The following ATP6V0A1 variants were observed in gnomAD, a reference collection of about 807,000 sequenced individuals.
The protein encoded by ATP6V0A1 is V-type proton ATPase 116 kDa subunit a 1.
ATP6V0A1 carries 43 observed loss-of-function variants against 105.4 expected under a neutral mutation model. The observed-to-expected ratio is 0.41, with a 90% CI of 0.32 to 0.53. The LOEUF (loss-of-function observed/expected upper bound fraction) is 0.53, where lower values mean the gene tolerates loss of function less well. Ranked by LOEUF, ATP6V0A1 falls within the 20% of genes least tolerant of loss-of-function variation. The probability of loss-of-function intolerance (pLI) is 0.30; values close to 1 mark genes in which losing one functional copy is unlikely to be tolerated. For missense variants in ATP6V0A1, 676 were observed against 1,051.1 expected (o/e 0.64, Z 4.93); for synonymous variants, 362 against 372.8 (o/e 0.97, Z 0.33).
At chr17:42,494,307 AT>A (rs751148740) in intron 11 of ATP6V0A1, 26 bp from the exon 12 acceptor site, 1 of 1,587,164 alleles carries the variant, frequency 6.3e-7, no homozygotes, top group South Asian at 1.1e-5. Context: ...TGTACTTTGT[AT>A]TTTTCTTTTT....
At position 42,460,860 on chromosome 17, in the gene ATP6V0A1, T is replaced by G. The variant is rs1479619105; in HGVS notation, c.-35T>G. 3.9e-6 allele frequency: 6 copies of G among 1,523,746 alleles called. No individual in the cohort carries two copies. The African/African-American group carries it at 6.9e-5, about 17-fold the overall frequency. The allele number at this position is 1,523,746 out of a possible 1,614,324, so 94.4% of individuals were successfully genotyped here. On this transcript the variant is annotated 5_prime_UTR_variant, in exon 2 of 22. Coordinates refer to ENST00000343619, the MANE Select transcript of ATP6V0A1 (RefSeq NM_001130021.3). Reference sequence around the variant, plus strand: ...CTCTTTGCTTCAGGTTGGAGAGAAATCCAGGTACTCACTAGACTGGTACCT... The same window carrying G: ...CTCTTTGCTTCAGGTTGGAGAGAAAGCCAGGTACTCACTAGACTGGTACCT...
intron 13 of ATP6V0A1, 45 bp from the exon 14 acceptor site, chr17:42,495,581 C>G: frequency 6.1e-6 from 9 of 1,472,080 alleles, no homozygotes; most frequent in Non-Finnish European, 8.5e-6. Context: ...TTGTTGTTTC[C>G]CTCTCTTGTT....
Position 42,494,342 on chromosome 17 carries a change from A to G in ATP6V0A1, c.1183A>G (p.Thr395Ala). 1 of 1,612,728 alleles carries G rather than the reference A, an allele frequency of 6.2e-7. No homozygotes were observed. Among genetic ancestry groups the G allele is most frequent in the Non-Finnish European group, 8.5e-7 (1 of 1,179,154 alleles). ...TTTTGGTTTCTTCATAGCTCCGTAT[A>G]CTATTATCACGTTCCCTTTTCTATT... The part of the protein sequence containing the change: ...TYREINPAPY[T>A]IITFPFLFAV... Residue 395 changes from threonine (T) to alanine (A), a missense_variant, in exon 12 of 22, where the codon ACT becomes GCT. Thr to Ala is a moderately conservative substitution (Grantham distance 58). This residue lies in a region of ATP6V0A1 where 435 missense variants were observed against 642.2 expected (regional missense o/e 0.68). Transcript: ENST00000343619.
chr17:42,465,760 T>C (rs2086971536), intron 2 of ATP6V0A1, among the ~76,000 whole-genome samples: 1 of 151,690 alleles, frequency 6.6e-6, no homozygotes, highest in East Asian at 2.0e-4. Flanking sequence ...GGTCAGGAGT[T>C]TGAGACCATC....
chr17:42,490,278 T>C (rs1254681933), intron 10 of ATP6V0A1, among the ~76,000 whole-genome samples: 2 of 152,234 alleles, frequency 1.3e-5, no homozygotes, highest in Non-Finnish European at 2.9e-5. Flanking sequence ...ATAAATGTTA[T>C]ACCTTTTCCC....
intron 10 of ATP6V0A1, 129 bp downstream of exon 10, chr17:42,487,496 G>A (rs2090213890): frequency 1.2e-6 from 1 of 832,226 alleles, no homozygotes; most frequent in South Asian, 1.6e-5. Context: ...GGGAGGCCGA[G>A]GCGGGCAGAT....
At chr17:42,498,032 C>A (rs1459767574) in intron 14 of ATP6V0A1, among the ~76,000 whole-genome samples, 1 of 152,008 alleles carries the variant, frequency 6.6e-6, no homozygotes, top group Admixed American at 6.6e-5. Flanking sequence ...TCAGGCCAGA[C>A]CTGAGGTCAG....
intron 11 of ATP6V0A1, among the ~76,000 whole-genome samples, chr17:42,491,414 C>T (rs971501447): frequency 6.6e-6 from 1 of 151,688 alleles, no homozygotes; most frequent in Admixed American, 6.6e-5. Flanking sequence ...AGGTTCACGC[C>T]ATTCTTCTGC....
intron 12 of ATP6V0A1, 146 bp from the exon 13 acceptor site, chr17:42,494,888 T>G: frequency 7.9e-6 from 6 of 760,498 alleles, no homozygotes; most frequent in Admixed American, 2.5e-5. Flanking sequence ...CTCATTAGCA[T>G]TGTATTTTGG....
chr17:42,464,844 ATC>A (rs2086850781), intron 2 of ATP6V0A1, among the ~76,000 whole-genome samples: 1 of 152,214 alleles, frequency 6.6e-6, no homozygotes, highest in Non-Finnish European at 1.5e-5. Flanking sequence ...CTAGTTCAGT[ATC>A]TGACACCTAT....
intron 14 of ATP6V0A1, chr17:42,495,986 C>T (rs894223013): frequency 5.1e-5 from 13 of 256,386 alleles, no homozygotes; most frequent in East Asian, 9.6e-5. Context: ...GCAGGAGAAT[C>T]GCTTGAACCT....
At chr17:42,462,044 CAAAAAAAAA>C (rs1040242459) in intron 2 of ATP6V0A1, among the ~76,000 whole-genome samples, 1 of 52,904 alleles carries the variant, frequency 1.9e-5, no homozygotes, top group Non-Finnish European at 3.8e-5. Flanking sequence ...CCGTCTCTGC[CAAAAAAAAA>C]AAAAAAAAAA....
At chr17:42,486,413 A>C (rs1598867174) in intron 9 of ATP6V0A1, among the ~76,000 whole-genome samples, 1 of 152,118 alleles carries the variant, frequency 6.6e-6, no homozygotes, top group East Asian at 1.9e-4. Flanking sequence ...TCCATCTCAA[A>C]AAAAAAAAAT....
intron 8 of ATP6V0A1, among the ~76,000 whole-genome samples, chr17:42,481,135 C>A (rs1305623254): frequency 6.6e-6 from 1 of 151,988 alleles, no homozygotes; most frequent in Non-Finnish European, 1.5e-5. Flanking sequence ...GTTGCCCAGG[C>A]TGGCCTGGAA....
rs1305795043 is a variant in ATP6V0A1, at chr17:42,490,603, T to C, written c.1140T>C (p.Ala380=). ...FTYGFQNIVD[A]YGIGTYREIN... is the part of the protein sequence containing the mutation. Reference sequence around the variant, plus strand: ...ATGGCTTTCAGAACATAGTAGATGCTTATGGAATTGGAACTTACCGAGAGA... The same window carrying C: ...ATGGCTTTCAGAACATAGTAGATGCCTATGGAATTGGAACTTACCGAGAGA... Residue 380 remains alanine (A), a synonymous_variant, in exon 11 of 22, where the codon GCT becomes GCC. Transcript: ENST00000343619. The C allele has an allele frequency of 1.2e-6, 2 of 1,610,906 alleles. No homozygotes were observed. The highest frequency in any genetic ancestry group is 2.2e-5 in the South Asian group (2 of 90,204).
chr17:42,505,082 C>G (rs1206470143), intron 17 of ATP6V0A1, among the ~76,000 whole-genome samples: 1 of 151,076 alleles, frequency 6.6e-6, no homozygotes, highest in African/African-American at 2.4e-5. Flanking sequence ...TGTCACCCAG[C>G]TGTAGTGCAG....
chr17:42,497,305 A>C (rs1189853873), intron 14 of ATP6V0A1, among the ~76,000 whole-genome samples: 14 of 148,416 alleles, frequency 9.4e-5, no homozygotes, highest in African/African-American at 3.4e-4. Context: ...TGTCTCAAAA[A>C]AAAAAAAAAA....
chr17:42,484,348 C>T (rs544750728), intron 9 of ATP6V0A1, among the ~76,000 whole-genome samples: 15 of 152,270 alleles, frequency 9.9e-5, no homozygotes, highest in South Asian at 6.2e-4. Context: ...TGAGCCACCG[C>T]GCCCGGCTGA....
At chr17:42,493,429 G>A (rs1567843765) in intron 11 of ATP6V0A1, among the ~76,000 whole-genome samples, 1 of 152,284 alleles carries the variant, frequency 6.6e-6, no homozygotes, top group East Asian at 1.9e-4. Flanking sequence ...GGTCCCACGA[G>A]TTACAAGAGA....
Sources: allele counts gnomAD v4.1 joint callset (sites outside exome capture counted in the v4.1 genomes callset), GRCh38; gene constraint gnomAD v4.1.1; regional missense constraint gnomAD v4.1.1; transcripts MANE v1.5; gene names NCBI Gene and HGNC (gene_info 2026-07-23, HGNC 2026-07-21).